Variants in EIF4G3 observed in about 807,000 individuals in gnomAD.
EIF4G3 encodes eIF-4-gamma 3.
In EIF4G3, 34 loss-of-function variants were observed where a neutral mutation model predicts 186.4. The observed-to-expected ratio is 0.18, with a 90% CI of 0.14 to 0.24. The LOEUF is 0.24. Among genes scored for constraint, EIF4G3 ranks in the 10% least tolerant of loss-of-function variants. The pLI is 1.00. For missense variants in EIF4G3, 1,536 were observed against 1,948.5 expected (o/e 0.79, Z 3.99); for synonymous variants, 673 against 679.5 (o/e 0.99, Z 0.15).
At chr1:20,981,542 TACTGTATGTATACATACATACATGTATAC>T (rs1558549185) in intron 8 of EIF4G3, among the ~76,000 whole-genome samples, 574 of 132,080 alleles carry the variant, frequency 4.3e-3, no homozygotes, top group Non-Finnish European at 6.0e-3. Context: ...TATACGCACA[TACTGTATGTATACATACATACATGTATAC>T]GCACATACTG....
intron 23 of EIF4G3, 88 bp downstream of exon 23, chr1:20,862,140 C>T: frequency 1.3e-6 from 1 of 778,246 alleles, no homozygotes. Flanking sequence ...TATCTTTACA[C>T]ATGTAAACAA....
chr1:21,027,464 A>G (rs1042302876), intron 4 of EIF4G3, among the ~76,000 whole-genome samples: 1 of 151,928 alleles, frequency 6.6e-6, no homozygotes, highest in African/African-American at 2.4e-5. Context: ...GCCTGTGTCT[A>G]CTAAAAATAC....
At chr1:21,124,299 A>G (rs146862678) in intron 2 of EIF4G3, among the ~76,000 whole-genome samples, 1 of 152,084 alleles carries the variant, frequency 6.6e-6, no homozygotes, top group Non-Finnish European at 1.5e-5. Context: ...GAAAAAAAAA[A>G]AATTCAAGGT....
chr1:20,914,829 T>C (rs2093680235), intron 14 of EIF4G3, among the ~76,000 whole-genome samples: 1 of 152,212 alleles, frequency 6.6e-6, no homozygotes, highest in Non-Finnish European at 1.5e-5. Flanking sequence ...TTAAGCCTCG[T>C]TTCTGGAACC....
chr1:20,922,259 C>A (rs569612785), intron 14 of EIF4G3, among the ~76,000 whole-genome samples: 2 of 152,082 alleles, frequency 1.3e-5, no homozygotes, highest in Non-Finnish European at 2.9e-5. Flanking sequence ...AAAATTTTGA[C>A]GTAAATTCAC....
intron 11 of EIF4G3, among the ~76,000 whole-genome samples, chr1:20,971,871 T>C (rs1400228272): frequency 6.6e-6 from 1 of 152,192 alleles, no homozygotes; most frequent in Admixed American, 6.5e-5. Context: ...TTACCTCAAG[T>C]GATCTACCCA....
At chr1:20,947,126 C>G (rs932495584) in intron 13 of EIF4G3, among the ~76,000 whole-genome samples, 1 of 152,054 alleles carries the variant, frequency 6.6e-6, no homozygotes, top group African/African-American at 2.4e-5. Context: ...GCAGGCAGGT[C>G]GCTTGAGCTC....
intron 2 of EIF4G3, among the ~76,000 whole-genome samples, chr1:21,125,654 G>A (rs1225823765): frequency 6.6e-6 from 1 of 151,938 alleles, no homozygotes; most frequent in African/African-American, 2.4e-5. Context: ...GGGAGGCAGA[G>A]GCTGCAGTGA....
intron 30 of EIF4G3, among the ~76,000 whole-genome samples, chr1:20,840,194 TG>T (rs2068095925): frequency 6.6e-6 from 1 of 152,238 alleles, no homozygotes; most frequent in Non-Finnish European, 1.5e-5. Context: ...TAAGATTTTG[TG>T]GCTGAACCAC....
intron 15 of EIF4G3, among the ~76,000 whole-genome samples, chr1:20,902,113 G>A (rs929528066): frequency 6.7e-6 from 1 of 149,580 alleles, no homozygotes; most frequent in Non-Finnish European, 1.5e-5. Context: ...CACCCAGGCT[G>A]GAGTCAGTGG....
intron 2 of EIF4G3, among the ~76,000 whole-genome samples, chr1:21,115,000 G>A (rs971565725): frequency 3.9e-5 from 6 of 151,990 alleles, no homozygotes; most frequent in South Asian, 4.2e-4. Flanking sequence ...CCATCTCTAC[G>A]GAAAAAAACC....
intron 2 of EIF4G3, among the ~76,000 whole-genome samples, chr1:21,174,208 C>A (rs2873424): frequency 0.4 from 61,282 of 152,040 alleles, 12,659 homozygotes; most frequent in Non-Finnish European, 0.43. Flanking sequence ...TACACTGGAA[C>A]TTACACTTAA....
Position 21,002,770 on chromosome 1 carries a change from C to A in EIF4G3, c.-28G>T. On this transcript the variant is annotated 5_prime_UTR_variant, in exon 5 of 37. Transcript: ENST00000602326. ...TCTGAGGGGTTTGAGGGTATACCAG[C>A]GTGGTTGGACCTGCATTCTGTCCAG... 1 of 1,613,572 alleles carries A rather than the reference C, an allele frequency of 6.2e-7. No individual in the cohort carries two copies. The highest frequency in any genetic ancestry group is 8.5e-7 in the Non-Finnish European group (1 of 1,179,776).
At chr1:21,103,493 T>C (rs2096562764) in intron 2 of EIF4G3, among the ~76,000 whole-genome samples, 1 of 152,082 alleles carries the variant, frequency 6.6e-6, no homozygotes, top group Non-Finnish European at 1.5e-5. Flanking sequence ...GGGTAAATGG[T>C]GACTATGAGG....
At chr1:21,135,270 C>A (rs1422222034) in intron 2 of EIF4G3, among the ~76,000 whole-genome samples, 4 of 152,152 alleles carry the variant, frequency 2.6e-5, no homozygotes, top group Admixed American at 2.0e-4. Flanking sequence ...GAGACCAAGG[C>A]GGGTGGATCA....
intron 15 of EIF4G3, among the ~76,000 whole-genome samples, chr1:20,904,021 T>C (rs2154557145): frequency 6.6e-6 from 1 of 152,302 alleles, no homozygotes; most frequent in East Asian, 1.9e-4. Context: ...GACAAGGAAA[T>C]TGTTAGAGTA....
At chr1:21,000,977 A>C (rs1211733035) in intron 6 of EIF4G3, among the ~76,000 whole-genome samples, 1 of 152,062 alleles carries the variant, frequency 6.6e-6, no homozygotes, top group Non-Finnish European at 1.5e-5. Context: ...AAAAATCTAA[A>C]CCCCCAAATT....
intron 20 of EIF4G3, among the ~76,000 whole-genome samples, chr1:20,869,774 CAAA>C (rs35907806): frequency 6.0e-4 from 29 of 48,634 alleles, no homozygotes; most frequent in East Asian, 3.0e-3. Flanking sequence ...GACTACGTCT[CAAA>C]AAAAAAAAAA....
chr1:20,835,142 G>A (rs1443525753), intron 30 of EIF4G3, among the ~76,000 whole-genome samples: 1 of 152,060 alleles, frequency 6.6e-6, no homozygotes, highest in African/African-American at 2.4e-5. Flanking sequence ...GGTCACAGAA[G>A]AAATTAGAAA....
Sources: allele counts gnomAD v4.1 joint callset (sites outside exome capture counted in the v4.1 genomes callset), GRCh38; gene constraint gnomAD v4.1.1; transcripts MANE v1.5; gene names NCBI Gene and HGNC (gene_info 2026-07-23, HGNC 2026-07-21).